CPQ: variants seen among roughly 807,000 people sequenced by gnomAD.
The protein encoded by CPQ is Ser-Met dipeptidase.
CPQ carries 37 observed loss-of-function variants against 45.7 expected under a neutral mutation model. The ratio of observed to expected loss-of-function variants is 0.81; its 90% CI spans 0.62 to 1.07. The LOEUF (loss-of-function observed/expected upper bound fraction) is 1.07. CPQ is among the 50% of genes least tolerant of loss of function. The pLI, the probability that CPQ is intolerant of heterozygous loss-of-function variation, is 0.00. For missense variants in CPQ, 537 were observed against 572.9 expected (o/e 0.94, Z 0.64); for synonymous variants, 186 against 205.8 (o/e 0.90, Z 0.82).
intron 7 of CPQ, among the ~76,000 whole-genome samples, chr8:97,100,005 T>C (rs1811276062): frequency 1.3e-5 from 2 of 152,184 alleles, no homozygotes; most frequent in Admixed American, 1.3e-4. Context: ...ATTGATTTAA[T>C]GATAAGCTGT....
chr8:96,798,512 T>C (rs1810965193), intron 2 of CPQ, among the ~76,000 whole-genome samples: 1 of 152,104 alleles, frequency 6.6e-6, no homozygotes, highest in Admixed American at 6.6e-5. Context: ...TTAAGTGATA[T>C]GATGCAGTTC....
chr8:97,034,012 A>G (rs770454919), intron 6 of CPQ, among the ~76,000 whole-genome samples: 14 of 152,206 alleles, frequency 9.2e-5, no homozygotes, highest in Admixed American at 1.3e-4. Context: ...CTTCATAATT[A>G]TGCTTTCTTA....
At chr8:97,101,572 CTTTTTT>C (rs5893410) in intron 7 of CPQ, among the ~76,000 whole-genome samples, 6 of 114,202 alleles carry the variant, frequency 5.3e-5, no homozygotes, top group Non-Finnish European at 8.8e-5. Flanking sequence ...TTTCTTTTTT[CTTTTTT>C]TTTTTTTTTT....
At chr8:96,848,266 A>G (rs1811725569) in intron 3 of CPQ, among the ~76,000 whole-genome samples, 1 of 152,142 alleles carries the variant, frequency 6.6e-6, no homozygotes. Context: ...CAATTTTTGT[A>G]GGGGTAGGAA....
At chr8:96,650,803 A>T (rs1054838377) in intron 1 of CPQ, among the ~76,000 whole-genome samples, 1 of 152,240 alleles carries the variant, frequency 6.6e-6, no homozygotes, top group East Asian at 1.9e-4. Context: ...GTTCATGAAG[A>T]GTTGTGCATA....
intron 5 of CPQ, among the ~76,000 whole-genome samples, chr8:97,020,769 T>C (rs1809664419): frequency 6.6e-6 from 1 of 152,088 alleles, no homozygotes; most frequent in African/African-American, 2.4e-5. Context: ...ACCAGATGGA[T>C]TCACCCAGAA....
At chr8:96,661,242 G>C (rs1253363335) in intron 1 of CPQ, among the ~76,000 whole-genome samples, 4 of 152,134 alleles carry the variant, frequency 2.6e-5, no homozygotes, top group East Asian at 3.9e-4. Context: ...TTTAGATTGA[G>C]AAGGTGTAGA....
In CPQ at chr8:96,925,190, A is replaced by C. The variant is rs549899969; in HGVS notation, c.850-40745A>C. ...GCAAGAATGCCTCTCTTTTCTCTCC[A>C]TTTATCCAAATCTATCATTTAAGGC... On this transcript the variant is annotated intron_variant, in intron 4 of 7. Transcript: ENST00000220763. Among the ~76,000 whole-genome samples, 3 of 152,270 alleles carry C rather than the reference A, an allele frequency of 2.0e-5. No homozygotes were observed. In the South Asian group the frequency reaches 6.2e-4, roughly 32 times the overall value.
intron 7 of CPQ, among the ~76,000 whole-genome samples, chr8:97,085,725 G>A (rs1199973304): frequency 6.6e-6 from 1 of 152,132 alleles, no homozygotes; most frequent in Non-Finnish European, 1.5e-5. Context: ...ACCATGAATA[G>A]TTAAATAAAT....
chr8:96,836,385 G>A (rs1811531223), intron 3 of CPQ, among the ~76,000 whole-genome samples: 1 of 152,158 alleles, frequency 6.6e-6, no homozygotes, highest in Admixed American at 6.5e-5. Flanking sequence ...ATCTTCCCAG[G>A]GGAGGAGGAT....
chr8:96,740,879 G>A (rs1159173010), intron 1 of CPQ, among the ~76,000 whole-genome samples: 1 of 152,066 alleles, frequency 6.6e-6, no homozygotes, highest in Non-Finnish European at 1.5e-5. Context: ...ATTTTATTGA[G>A]GATTTTTGCA....
chr8:97,108,671 C>T lies in CPQ; in HGVS notation c.1256-34349C>T, dbSNP rs953291709. On this transcript the variant is annotated intron_variant, in intron 7 of 7. Transcript: ENST00000220763. The stretch of plus-strand genomic sequence containing the variant: ...CACCGGGGAGGGGATGGTGAGATGA[C>T]GCACTAAAGTAAAACTCCTTGTTTG... Among the ~76,000 whole-genome samples the T allele has an allele frequency of 1.5e-4, 23 of 152,146 alleles. 1 individual carries two copies. The highest frequency in any genetic ancestry group is 2.7e-4 in the African/African-American group (11 of 41,440).
intron 7 of CPQ, among the ~76,000 whole-genome samples, chr8:97,080,231 G>A (rs1333775437): frequency 2.0e-5 from 3 of 152,142 alleles, no homozygotes; most frequent in Non-Finnish European, 4.4e-5. Context: ...GCATTGCATT[G>A]CGATTGGCAG....
intron 7 of CPQ, among the ~76,000 whole-genome samples, chr8:97,095,839 T>C (rs1041612081): frequency 1.3e-5 from 2 of 152,198 alleles, no homozygotes; most frequent in African/African-American, 4.8e-5. Context: ...TAAGGCTGTT[T>C]GGTACTCCTC....
chr8:96,658,764 G>A (rs1030055226), intron 1 of CPQ, among the ~76,000 whole-genome samples: 4 of 152,208 alleles, frequency 2.6e-5, no homozygotes, highest in African/African-American at 9.7e-5. Flanking sequence ...GAAGATGGAG[G>A]AAGGGGGCCA....
At chr8:97,089,492 T>C (rs1272373359) in intron 7 of CPQ, among the ~76,000 whole-genome samples, 1 of 152,062 alleles carries the variant, frequency 6.6e-6, no homozygotes, top group Non-Finnish European at 1.5e-5. Flanking sequence ...CCGCTAGTTC[T>C]TCTTCATTTT....
intron 3 of CPQ, among the ~76,000 whole-genome samples, chr8:96,836,822 GA>G (rs1173918864): frequency 6.7e-6 from 1 of 148,398 alleles, no homozygotes; most frequent in Non-Finnish European, 1.5e-5. Context: ...GCATAATGAA[GA>G]CATCTGGAAA....
intron 7 of CPQ, among the ~76,000 whole-genome samples, chr8:97,071,582 T>C (rs550659976): frequency 2.0e-5 from 3 of 152,284 alleles, no homozygotes; most frequent in Admixed American, 2.0e-4. Context: ...ACAGACCTTG[T>C]CTCACCAAAA....
chr8:97,077,692 T>C (rs928662910), intron 7 of CPQ, among the ~76,000 whole-genome samples: 1 of 152,146 alleles, frequency 6.6e-6, no homozygotes, highest in African/African-American at 2.4e-5. Flanking sequence ...TATTTTGATA[T>C]TTCCAGACTA....
Sources: gnomAD v4.1 joint callset for allele counts (sites outside exome capture counted in the v4.1 genomes callset) on GRCh38, gnomAD v4.1.1 for gene constraint, MANE v1.5 for transcripts, NCBI Gene and HGNC (gene_info 2026-07-23, HGNC 2026-07-21) for gene names.